SLC2A13: variants seen among roughly 807,000 people sequenced by gnomAD.
SLC2A13 encodes the protein proton myo-inositol cotransporter.
A neutral mutation model predicts 64.4 loss-of-function variants in SLC2A13; 32 were observed. That is an observed-to-expected ratio of 0.50 (90% CI 0.37 to 0.67). The LOEUF (loss-of-function observed/expected upper bound fraction) is 0.67. Ranked by LOEUF, SLC2A13 falls within the 30% of genes least tolerant of loss-of-function variation. The pLI is 0.00. For synonymous variants in SLC2A13, 338 were observed against 327.1 expected (o/e 1.03, Z -0.36); for missense variants, 743 against 829.2 (o/e 0.90, Z 1.28).
intron 9 of SLC2A13, among the ~76,000 whole-genome samples, chr12:39,764,127 G>GTT (rs968628923): frequency 3.0e-4 from 46 of 151,236 alleles, no homozygotes; most frequent in African/African-American, 9.2e-4. Flanking sequence ...ACCATTTTCT[G>GTT]TTTTTTTTTT....
At chr12:40,024,926 C>A (rs1331178207) in intron 3 of SLC2A13, among the ~76,000 whole-genome samples, 1 of 152,168 alleles carries the variant, frequency 6.6e-6, no homozygotes, top group Non-Finnish European at 1.5e-5. Context: ...TGAGACACAG[C>A]CAGTGATATT....
chr12:40,025,399 T>C (rs1947786883), intron 3 of SLC2A13, among the ~76,000 whole-genome samples: 1 of 152,186 alleles, frequency 6.6e-6, no homozygotes, highest in African/African-American at 2.4e-5. Flanking sequence ...AGAGGTCAAG[T>C]TTAAATTCAA....
At chr12:40,029,232 AGT>A (rs1947869195) in intron 2 of SLC2A13, among the ~76,000 whole-genome samples, 1 of 152,214 alleles carries the variant, frequency 6.6e-6, no homozygotes, top group South Asian at 2.1e-4. Context: ...TAACAAAAAT[AGT>A]AATGAGTATA....
chr12:40,065,735 T>G (rs1937694396), intron 1 of SLC2A13, among the ~76,000 whole-genome samples: 1 of 152,200 alleles, frequency 6.6e-6, no homozygotes, highest in South Asian at 2.1e-4. Context: ...TTGTGATACT[T>G]TATTACAAAA....
At chr12:40,088,202 A>G (rs893614158) in intron 1 of SLC2A13, among the ~76,000 whole-genome samples, 2 of 152,192 alleles carry the variant, frequency 1.3e-5, no homozygotes, top group Non-Finnish European at 2.9e-5. Flanking sequence ...CACTAAGTAC[A>G]AAAGTATAGA....
rs182738823 is a variant in SLC2A13, at chr12:39,889,660, G to A, written c.1035-17699C>T. On this transcript the variant is annotated intron_variant, in intron 4 of 9. Transcript: ENST00000280871. ...CCATTCTCCTGCCTCAGTCTCCTGA[G>A]TAGCTGGGACTACAGGTGCCCACCA... Among the ~76,000 whole-genome samples, 4 of 150,706 alleles carry A rather than the reference G, an allele frequency of 2.7e-5. No individual in the cohort carries two copies. The East Asian group carries it at 7.9e-4, about 30-fold the overall frequency.
In SLC2A13 at chr12:39,864,744, A is replaced by C. The variant is rs773620670; in HGVS notation, c.1319+18T>G. 1 of 1,611,608 alleles carries C rather than the reference A, an allele frequency of 6.2e-7. No homozygotes were observed. Among genetic ancestry groups the C allele is most frequent in the Non-Finnish European group, 8.5e-7 (1 of 1,179,126 alleles). ...TACCAGAGTCATGTAAAGGAAGAAG[A>C]ACATAATGGAATCTCACCTGTATCT... On this transcript the variant is annotated intron_variant, in intron 6 of 9. Transcript: ENST00000280871.
chr12:39,910,068 A>G (rs1404713407), intron 4 of SLC2A13, among the ~76,000 whole-genome samples: 3 of 152,044 alleles, frequency 2.0e-5, no homozygotes, highest in African/African-American at 7.3e-5. Context: ...GACTCTCTCA[A>G]CAGCCCTTAG....
In SLC2A13 at chr12:39,759,387, A is replaced by C. The variant is rs1940056513; in HGVS notation, c.*639T>G. ...AGATTATATTTTCATAATGTTCAAA[A>C]GATAGTGTGCAGAGTCAGTATCTGA... On this transcript the variant is annotated 3_prime_UTR_variant, in exon 10 of 10. Transcript: ENST00000280871. The C allele has an allele frequency of 6.6e-6, 1 of 152,354 alleles. No individual in the cohort carries two copies. The highest frequency in any genetic ancestry group is 1.5e-5 in the Non-Finnish European group (1 of 67,972). 9.4% of individuals were successfully genotyped at this position (152,354 alleles called of 1,614,324 possible). A position where few individuals can be genotyped will look rare whatever the true frequency, so the allele number is the denominator to read the frequency against.
intron 3 of SLC2A13, among the ~76,000 whole-genome samples, chr12:39,953,812 C>A (rs918579549): frequency 6.6e-6 from 1 of 152,110 alleles, no homozygotes; most frequent in Non-Finnish European, 1.5e-5. Context: ...TCACTCTGAA[C>A]ACCTCATACT....
At chr12:40,044,442 C>G (rs1241157988) in intron 2 of SLC2A13, among the ~76,000 whole-genome samples, 1 of 152,066 alleles carries the variant, frequency 6.6e-6, no homozygotes, top group Non-Finnish European at 1.5e-5. Flanking sequence ...AGTGATTGTA[C>G]AATTTAAATG....
At position 40,106,065 on chromosome 12, in the gene SLC2A13, G is replaced by C; in HGVS notation, c.-257C>G. ...ACTCACGCCCCGCGCCTGCCGAGCT[G>C]GCGCTGCGGAGCGGGCGGGAGGCGG... On this transcript the variant is annotated 5_prime_UTR_variant, in exon 1 of 10. Coordinates refer to ENST00000280871, the MANE Select transcript of SLC2A13 (RefSeq NM_052885.4). 1 of 346,270 alleles carries C rather than the reference G, an allele frequency of 2.9e-6. No individual in the cohort carries two copies. Among genetic ancestry groups the C allele is most frequent in the Non-Finnish European group, 5.1e-6 (1 of 197,680 alleles). 21.4% of individuals were successfully genotyped at this position (346,270 alleles called of 1,614,324 possible).
chr12:39,896,421 T>TGC (rs1944891342), intron 4 of SLC2A13, among the ~76,000 whole-genome samples: 42 of 140,598 alleles, frequency 3.0e-4, no homozygotes, highest in African/African-American at 1.2e-3. Context: ...TGTATGTATA[T>TGC]GTGTATATAT....
chr12:39,957,662 T>A (rs577141273), intron 3 of SLC2A13, among the ~76,000 whole-genome samples: 8 of 152,334 alleles, frequency 5.3e-5, no homozygotes, highest in African/African-American at 1.9e-4. Context: ...AAATTCAGCA[T>A]GTCAGGTCCT....
At chr12:40,094,987 G>A (rs139926256) in intron 1 of SLC2A13, among the ~76,000 whole-genome samples, 1 of 152,242 alleles carries the variant, frequency 6.6e-6, no homozygotes, top group Non-Finnish European at 1.5e-5. Flanking sequence ...AGGAGGGAGT[G>A]TGGAATGGGA....
At chr12:40,000,887 A>G (rs1947312063) in intron 3 of SLC2A13, among the ~76,000 whole-genome samples, 3 of 152,152 alleles carry the variant, frequency 2.0e-5, no homozygotes, top group Non-Finnish European at 4.4e-5. Flanking sequence ...ATGAAGCCCC[A>G]CTCACTACTT....
chr12:39,760,277 T>G, intron 9 of SLC2A13, 25 bp from the exon 10 acceptor site: 1 of 1,570,676 alleles, frequency 6.4e-7, no homozygotes, highest in Non-Finnish European at 8.7e-7. Flanking sequence ...AATAGATACA[T>G]GAATATGAAT....
At chr12:40,094,165 A>G (rs1390034266) in intron 1 of SLC2A13, among the ~76,000 whole-genome samples, 1 of 152,220 alleles carries the variant, frequency 6.6e-6, no homozygotes, top group Admixed American at 6.5e-5. Context: ...GACAACTCCA[A>G]GGCTTTTGGT....
intron 1 of SLC2A13, among the ~76,000 whole-genome samples, chr12:40,096,577 T>G (rs1938951863): frequency 6.6e-6 from 1 of 152,012 alleles, no homozygotes; most frequent in Non-Finnish European, 1.5e-5. Flanking sequence ...TTCATTTACA[T>G]TATTTTAAAT....
Sources: gnomAD v4.1 joint callset for allele counts (sites outside exome capture counted in the v4.1 genomes callset) on GRCh38, gnomAD v4.1.1 for gene constraint, MANE v1.5 for transcripts, NCBI Gene and HGNC (gene_info 2026-07-23, HGNC 2026-07-21) for gene names.